Variants in NHLRC2 observed in about 807,000 individuals in gnomAD.
NHLRC2 encodes NHL repeat-containing protein 2.
In NHLRC2, 33 loss-of-function variants were observed where a neutral mutation model predicts 68.1. The observed-to-expected ratio is 0.48, with a 90% confidence interval of 0.37 to 0.65. NHLRC2 has a LOEUF of 0.65. Ranked by LOEUF, NHLRC2 falls within the 30% of genes least tolerant of loss-of-function variation. The probability of loss-of-function intolerance (pLI) is 0.00; values close to 1 mark genes in which losing one functional copy is unlikely to be tolerated. For synonymous variants in NHLRC2, 311 were observed against 309.6 expected, an observed-to-expected ratio of 1.00 and a Z score of -0.05; for missense variants, 761 against 853.8, an observed-to-expected ratio of 0.89 and a Z score of 1.35.
chr10:113,913,162 C>T lies in NHLRC2; in HGVS notation c.*4626C>T, dbSNP rs931554033. On this transcript the variant is annotated 3_prime_UTR_variant, in exon 11 of 11. Coordinates refer to ENST00000369301, the MANE Select transcript of NHLRC2 (RefSeq NM_198514.4). Reference sequence around the variant, plus strand: ...AGAGGGTAAGCATAATCAAATACACCAGCATAACCAAAATCACACATTTAG... The same window carrying T: ...AGAGGGTAAGCATAATCAAATACACTAGCATAACCAAAATCACACATTTAG... 2 of 152,062 alleles carry T rather than the reference C, an allele frequency of 1.3e-5. No homozygotes were observed. The highest frequency in any genetic ancestry group is 2.4e-5 in the African/African-American group (1 of 41,404). 9.4% of individuals were successfully genotyped at this position (152,062 alleles called of 1,614,324 possible).
chr10:113,906,078 A>G (rs1286325248), intron 10 of NHLRC2, among the ~76,000 whole-genome samples: 1 of 152,230 alleles, frequency 6.6e-6, no homozygotes, highest in East Asian at 1.9e-4. Flanking sequence ...TGCCAATTTA[A>G]GTCTGGAAGT....
chr10:113,890,116 C>A (rs1846118150), intron 5 of NHLRC2, among the ~76,000 whole-genome samples: 1 of 152,194 alleles, frequency 6.6e-6, no homozygotes, highest in Admixed American at 6.5e-5. Flanking sequence ...AGACTGTTTT[C>A]CACAGTGGCT....
chr10:113,879,098 T>G (rs141040949), intron 3 of NHLRC2, among the ~76,000 whole-genome samples: 51 of 152,328 alleles, frequency 3.3e-4, no homozygotes, highest in African/African-American at 1.1e-3. Flanking sequence ...AAATAGTAGA[T>G]AAGAAGGATT....
rs749277708 is a variant in NHLRC2, at chr10:113,879,712, ATTTGT to A, written c.909+21_909+25del. On this transcript the variant is annotated intron_variant, in intron 4 of 10. Coordinates refer to ENST00000369301, the MANE Select transcript of NHLRC2 (RefSeq NM_198514.4). Reference sequence around the variant, plus strand: ...ATAAGAAAGGTAATTTTCATTTTAAATTTGTTTTAATACTTACAATCAGAAAAAGG... The same window carrying A: ...ATAAGAAAGGTAATTTTCATTTTAAATTTAATACTTACAATCAGAAAAAGG... 5.0e-6 allele frequency: 7 copies of A among 1,409,608 alleles called. No individual in the cohort carries two copies. In the Admixed American group the frequency reaches 1.4e-4, roughly 28 times the overall value. The allele number at this position is 1,409,608 out of a possible 1,614,324, so 87.3% of individuals were successfully genotyped here.
intron 2 of NHLRC2, among the ~76,000 whole-genome samples, chr10:113,863,405 A>G (rs1287599907): frequency 2.0e-5 from 3 of 152,166 alleles, no homozygotes. Context: ...AATTATTAGA[A>G]AATACTTAGA....
intron 2 of NHLRC2, among the ~76,000 whole-genome samples, chr10:113,870,582 A>G (rs895270668): frequency 3.3e-5 from 5 of 152,246 alleles, no homozygotes; most frequent in Non-Finnish European, 7.3e-5. Flanking sequence ...ATATTTAGCA[A>G]TTATAAGCAA....
intron 1 of NHLRC2, among the ~76,000 whole-genome samples, chr10:113,857,117 C>T (rs945459961): frequency 6.6e-6 from 1 of 152,062 alleles, no homozygotes; most frequent in African/African-American, 2.4e-5. Context: ...TAAATGTTAG[C>T]AGCTTTTTAT....
At chr10:113,863,254 A>G (rs1178518930) in intron 2 of NHLRC2, among the ~76,000 whole-genome samples, 1 of 152,194 alleles carries the variant, frequency 6.6e-6, no homozygotes, top group Non-Finnish European at 1.5e-5. Context: ...TTTTTTAAAG[A>G]TAAATATTAA....
intron 2 of NHLRC2, among the ~76,000 whole-genome samples, chr10:113,866,755 C>CG (rs1193752823): frequency 6.6e-6 from 1 of 151,806 alleles, no homozygotes; most frequent in African/African-American, 2.4e-5. Context: ...CCTCCACCCC[C>CG]GGCTCCTTCA....
At chr10:113,881,593 T>G (rs1846036659) in intron 4 of NHLRC2, among the ~76,000 whole-genome samples, 1 of 151,692 alleles carries the variant, frequency 6.6e-6, no homozygotes, top group Admixed American at 6.6e-5. Flanking sequence ...CAACTCTCAC[T>G]CCCCTTACAT....
Position 113,876,866 on chromosome 10 carries a change from CTGG to C in NHLRC2, c.678_680del (p.Gly227del). 6.2e-7 allele frequency: 1 copy of C among 1,612,602 alleles called. No individual in the cohort carries two copies. ...TTGCCACCTTCACCATTGCTATTTC[CTGG>C]CAAAGTAACAGTAGACCAAGTTACT... On this transcript the variant is annotated inframe_deletion, in exon 3 of 11. Coordinates refer to ENST00000369301, the MANE Select transcript of NHLRC2 (RefSeq NM_198514.4).
chr10:113,865,793 GAAGAT>G (rs1273729891), intron 2 of NHLRC2, among the ~76,000 whole-genome samples: 2 of 152,136 alleles, frequency 1.3e-5, no homozygotes, highest in East Asian at 1.9e-4. Flanking sequence ...ATATTGATTA[GAAGAT>G]AAGTTCAGTT....
At chr10:113,858,334 T>C (rs1845781043) in intron 1 of NHLRC2, among the ~76,000 whole-genome samples, 194 bp from the exon 2 acceptor site, 1 of 152,100 alleles carries the variant, frequency 6.6e-6, no homozygotes, top group African/African-American at 2.4e-5. Flanking sequence ...TTTATTTCTT[T>C]TGTTGATAGA....
intron 2 of NHLRC2, among the ~76,000 whole-genome samples, chr10:113,872,930 A>C (rs1003990231): frequency 6.6e-6 from 1 of 152,172 alleles, no homozygotes; most frequent in Admixed American, 6.5e-5. Context: ...AAAGAAAAGA[A>C]ACCTTGAATC....
chr10:113,865,011 G>C (rs1391224614), intron 2 of NHLRC2, among the ~76,000 whole-genome samples: 1 of 150,974 alleles, frequency 6.6e-6, no homozygotes, highest in African/African-American at 2.4e-5. Flanking sequence ...GTGCAATGGC[G>C]CCATCTCAGC....
In NHLRC2 at chr10:113,898,013, C is replaced by T. The variant is rs1042106402; in HGVS notation, c.1040-97C>T. The T allele has an allele frequency of 8.5e-6, 5 of 584,998 alleles. No homozygotes were observed. In the South Asian group the frequency reaches 1.9e-4, roughly 22 times the overall value. The allele number at this position is 584,998 out of a possible 1,614,324, so 36.2% of individuals were successfully genotyped here. On this transcript the variant is annotated intron_variant, in intron 5 of 10. Coordinates refer to ENST00000369301, the MANE Select transcript of NHLRC2 (RefSeq NM_198514.4). ...TTTTATTTATCAGATGATTCACAAACATATTGTTATCCTCCATAAATTTAA... is the reference window on the plus strand; with the variant it reads ...TTTTATTTATCAGATGATTCACAAATATATTGTTATCCTCCATAAATTTAA...
chr10:113,869,119 A>G (rs1450377184), intron 2 of NHLRC2, among the ~76,000 whole-genome samples: 1 of 152,204 alleles, frequency 6.6e-6, no homozygotes. Flanking sequence ...GCAAGAATGG[A>G]TATGGGAAAT....
Position 113,915,171 on chromosome 10 carries a change from C to G in NHLRC2, c.*6635C>G, listed in dbSNP as rs186269928. 3 of 456,286 alleles carry G rather than the reference C, an allele frequency of 6.6e-6. No homozygotes were observed. Among genetic ancestry groups the G allele is most frequent in the Non-Finnish European group, 1.3e-5 (3 of 226,968 alleles). 28.3% of individuals were successfully genotyped at this position (456,286 alleles called of 1,614,324 possible). On this transcript the variant is annotated 3_prime_UTR_variant, in exon 11 of 11. Coordinates refer to ENST00000369301, the MANE Select transcript of NHLRC2 (RefSeq NM_198514.4). ...GTGTCCCTCTTCTTCACTGGCATGTCGCTTTCAAGTGTACCAAAGGACATT... is the reference window on the plus strand; with the variant it reads ...GTGTCCCTCTTCTTCACTGGCATGTGGCTTTCAAGTGTACCAAAGGACATT...
chr10:113,862,494 AAC>A (rs1491041150), intron 2 of NHLRC2, among the ~76,000 whole-genome samples: 7 of 150,572 alleles, frequency 4.6e-5, no homozygotes, highest in Non-Finnish European at 7.5e-5. Flanking sequence ...CAAAAAAAAA[AAC>A]AGTAATGTAG....
Sources: gnomAD v4.1 joint callset for allele counts (sites outside exome capture counted in the v4.1 genomes callset) on GRCh38, gnomAD v4.1.1 for gene constraint, MANE v1.5 for transcripts, NCBI Gene and HGNC (gene_info 2026-07-23, HGNC 2026-07-21) for gene names.